Variants in NBEA observed in about 807,000 individuals in gnomAD.
The protein encoded by NBEA is neurobeachin.
A neutral mutation model predicts 343.4 loss-of-function variants in NBEA; 44 were observed. The ratio of observed to expected loss-of-function variants is 0.13; its 90% CI spans 0.10 to 0.16. The LOEUF is 0.16. Ranked by LOEUF, NBEA falls within the 10% of genes least tolerant of loss-of-function variation. NBEA has a pLI of 1.00. For synonymous variants in NBEA, 1,175 were observed against 1,238.7 expected (o/e 0.95, Z 1.08); for missense variants, 2,555 against 3,631.3 (o/e 0.70, Z 7.62).
chr13:34,986,818 A>G (rs2152511938), intron 1 of NBEA, among the ~76,000 whole-genome samples: 1 of 150,790 alleles, frequency 6.6e-6, no homozygotes, highest in Admixed American at 6.6e-5. Flanking sequence ...CTGTTTTATC[A>G]GAGACTAGGA....
chr13:35,559,784 C>T lies in NBEA; in HGVS notation c.6922+4682C>T, dbSNP rs1456893271. Among the ~76,000 whole-genome samples the T allele has an allele frequency of 6.6e-5, 10 of 151,874 alleles. 1 individual carries two copies. In the South Asian group the frequency reaches 8.3e-4, roughly 13 times the overall value. The stretch of plus-strand genomic sequence containing the variant: ...CAAAAAAATTAGCTGGGCGTGGTAG[C>T]GGGCGCCTGTAGTCCCAGCTACTCG... On this transcript the variant is annotated intron_variant, in intron 44 of 58. Coordinates refer to ENST00000379939, the MANE Select transcript of NBEA (RefSeq NM_001385012.1).
chr13:35,262,716 A>G (rs938786872), intron 34 of NBEA, among the ~76,000 whole-genome samples: 1 of 152,210 alleles, frequency 6.6e-6, no homozygotes, highest in African/African-American at 2.4e-5. Flanking sequence ...CAGTGGAGCT[A>G]TTGTGTGTTG....
chr13:35,336,612 T>A (rs1490240112), intron 36 of NBEA, among the ~76,000 whole-genome samples: 2 of 151,614 alleles, frequency 1.3e-5, no homozygotes, highest in Non-Finnish European at 2.9e-5. Flanking sequence ...AGCAGAGACA[T>A]GGAATCAACA....
intron 33 of NBEA, among the ~76,000 whole-genome samples, chr13:35,225,966 C>T (rs1297558826): frequency 1.3e-5 from 2 of 151,990 alleles, no homozygotes; most frequent in East Asian, 3.9e-4. Context: ...AGTTCAAATT[C>T]TTAGTTGATT....
chr13:35,620,692 A>G (rs1008931377), intron 48 of NBEA, among the ~76,000 whole-genome samples: 2 of 152,320 alleles, frequency 1.3e-5, no homozygotes, highest in South Asian at 2.1e-4. Context: ...CTGCAAGGGT[A>G]GAATCAGGGA....
chr13:34,973,612 G>A (rs1288752254), intron 1 of NBEA, among the ~76,000 whole-genome samples: 1 of 152,128 alleles, frequency 6.6e-6, no homozygotes, highest in Non-Finnish European at 1.5e-5. Context: ...GGCCTAGGTT[G>A]GTTTGGACTC....
chr13:35,276,149 T>C (rs2034570656), intron 34 of NBEA, among the ~76,000 whole-genome samples: 1 of 152,170 alleles, frequency 6.6e-6, no homozygotes, highest in Non-Finnish European at 1.5e-5. Context: ...TTTGATATGG[T>C]GATTAGAAGA....
intron 47 of NBEA, among the ~76,000 whole-genome samples, chr13:35,604,973 A>G (rs1044480335): frequency 6.6e-6 from 1 of 152,104 alleles, no homozygotes; most frequent in African/African-American, 2.4e-5. Context: ...CATCTGCCCC[A>G]CAGGCCAGAC....
intron 32 of NBEA, among the ~76,000 whole-genome samples, chr13:35,209,623 C>G (rs1162359679): frequency 2.0e-5 from 3 of 151,940 alleles, no homozygotes; most frequent in Non-Finnish European, 4.4e-5. Flanking sequence ...CCTGACTTTT[C>G]TTCCCTGACT....
At chr13:35,527,223 G>A (rs957578227) in intron 41 of NBEA, among the ~76,000 whole-genome samples, 3 of 152,110 alleles carry the variant, frequency 2.0e-5, no homozygotes, top group African/African-American at 4.8e-5. Flanking sequence ...ATGGTGATTG[G>A]TCCATGGGTG....
At chr13:35,068,974 T>G (rs983099374) in intron 8 of NBEA, among the ~76,000 whole-genome samples, 3 of 152,126 alleles carry the variant, frequency 2.0e-5, no homozygotes, top group African/African-American at 7.2e-5. Context: ...AACTTGAGTT[T>G]GGGACATTTA....
intron 44 of NBEA, among the ~76,000 whole-genome samples, chr13:35,565,663 A>T (rs1324677958): frequency 6.6e-6 from 1 of 152,174 alleles, no homozygotes; most frequent in Admixed American, 6.5e-5. Flanking sequence ...TTTTCTTAGG[A>T]TCCTGTTTCT....
At chr13:35,325,515 G>A (rs192480304) in intron 36 of NBEA, among the ~76,000 whole-genome samples, 41 of 151,990 alleles carry the variant, frequency 2.7e-4, no homozygotes, top group East Asian at 1.4e-3. Context: ...ATGAGATATC[G>A]TAATACTGAT....
intron 41 of NBEA, among the ~76,000 whole-genome samples, chr13:35,528,695 G>T (rs1299107808): frequency 2.0e-5 from 3 of 152,120 alleles, no homozygotes; most frequent in East Asian, 1.9e-4. Flanking sequence ...ATACATTAAG[G>T]CTCAAAATCA....
intron 40 of NBEA, among the ~76,000 whole-genome samples, chr13:35,470,594 A>G (rs2075598670): frequency 6.6e-6 from 1 of 152,226 alleles, no homozygotes; most frequent in African/African-American, 2.4e-5. Context: ...GTGTGAACCA[A>G]ATCACCTTTC....
Position 35,432,261 on chromosome 13 carries a change from A to T in NBEA, c.6180-8A>T, listed in dbSNP as rs1251967694. The T allele has an allele frequency of 6.9e-6, 11 of 1,591,600 alleles. No homozygotes were observed. The highest frequency in any genetic ancestry group is 8.6e-6 in the Non-Finnish European group (10 of 1,167,752). ...AATAGGGATTACTTTTTTTCCCTCTACTCTTAGCCAATTGCATGATTTCTG... is the reference window on the plus strand; with the variant it reads ...AATAGGGATTACTTTTTTTCCCTCTTCTCTTAGCCAATTGCATGATTTCTG... On this transcript the variant is annotated splice_region_variant and splice_polypyrimidine_tract_variant and intron_variant, in intron 38 of 58. Coordinates refer to ENST00000379939, the MANE Select transcript of NBEA (RefSeq NM_001385012.1).
intron 38 of NBEA, among the ~76,000 whole-genome samples, chr13:35,373,707 A>AAATAATAATAAT (rs60612475): frequency 0.068 from 10,155 of 149,680 alleles, 856 homozygotes; most frequent in African/African-American, 0.18. Context: ...ACTGTCTCAA[A>AAATAATAATAAT]AATAATAATA....
At position 35,370,910 on chromosome 13, in the gene NBEA, G is replaced by GTT. The variant is rs35375856; in HGVS notation, c.6179+18596_6179+18597dup. 1.0e-3 allele frequency among the ~76,000 whole-genome samples: 157 copies of GTT among 151,006 alleles called. 1 individual carries two copies. Among genetic ancestry groups the GTT allele is most frequent in the African/African-American group, 2.8e-3 (117 of 41,136 alleles). On this transcript the variant is annotated intron_variant, in intron 38 of 58. Coordinates refer to ENST00000379939, the MANE Select transcript of NBEA (RefSeq NM_001385012.1). ...CTGGGTAAAGTGTCCTCAGTTGGCAGTTTTTTTTTTCTTTGAATATGACAT... is the reference window on the plus strand; with the variant it reads ...CTGGGTAAAGTGTCCTCAGTTGGCAGTTTTTTTTTTTTCTTTGAATATGACAT...
At chr13:35,393,695 G>T (rs980548456) in intron 38 of NBEA, among the ~76,000 whole-genome samples, 1 of 152,004 alleles carries the variant, frequency 6.6e-6, no homozygotes, top group Admixed American at 6.6e-5. Context: ...TTGCAACTAT[G>T]AAGTAGCTAA....
Sources: allele counts gnomAD v4.1 joint callset (sites outside exome capture counted in the v4.1 genomes callset), GRCh38; gene constraint gnomAD v4.1.1; transcripts MANE v1.5; gene names NCBI Gene and HGNC (gene_info 2026-07-23, HGNC 2026-07-21).